Variants in KCNH1 observed in about 807,000 individuals in gnomAD.
KCNH1 encodes potassium voltage-gated channel subfamily H member 1, also known as voltage-gated delayed rectifier potassium channel KCNH1.
KCNH1 carries 27 observed loss-of-function variants against 69.2 expected under a neutral mutation model. The ratio of observed to expected loss-of-function variants is 0.39; its 90% CI spans 0.29 to 0.54. KCNH1 has a LOEUF of 0.54. KCNH1 is among the 20% of genes least tolerant of loss of function. The probability of loss-of-function intolerance (pLI) is 0.68; values close to 1 mark genes in which losing one functional copy is unlikely to be tolerated. For synonymous variants in KCNH1, 456 were observed against 487.7 expected, an observed-to-expected ratio of 0.93 and a Z score of 0.86; for missense variants, 798 against 1,261.6, an observed-to-expected ratio of 0.63 and a Z score of 5.57.
chr1:210,720,724 T>G (rs910364242), intron 10 of KCNH1, among the ~76,000 whole-genome samples: 2 of 152,194 alleles, frequency 1.3e-5, no homozygotes, highest in African/African-American at 2.4e-5. Flanking sequence ...CCTGTTCTCC[T>G]TGGCCAAATC....
At chr1:210,851,870 G>C (rs1342855429) in intron 7 of KCNH1, among the ~76,000 whole-genome samples, 1 of 152,208 alleles carries the variant, frequency 6.6e-6, no homozygotes, top group Non-Finnish European at 1.5e-5. Flanking sequence ...GTTTGTTGTT[G>C]AGTGAAATGT....
chr1:210,818,871 G>T (rs752856614), intron 7 of KCNH1, among the ~76,000 whole-genome samples: 63 of 152,128 alleles, frequency 4.1e-4, no homozygotes, highest in Non-Finnish European at 8.1e-4. Context: ...GTTTTCTCAG[G>T]TTTACCTATA....
At chr1:210,987,683 G>A (rs1329125245) in intron 6 of KCNH1, among the ~76,000 whole-genome samples, 1 of 152,216 alleles carries the variant, frequency 6.6e-6, no homozygotes, top group African/African-American at 2.4e-5. Context: ...TGAGGTGTCA[G>A]TCTGCCCCTA....
At chr1:211,048,083 GCTCAACAT>G (rs1256531808) in intron 5 of KCNH1, among the ~76,000 whole-genome samples, 1 of 152,168 alleles carries the variant, frequency 6.6e-6, no homozygotes, top group African/African-American at 2.4e-5. Flanking sequence ...ATTAAAAAAT[GCTCAACAT>G]CACAAATTAT....
chr1:210,703,994 G>A (rs933062992), intron 10 of KCNH1, among the ~76,000 whole-genome samples: 1 of 152,056 alleles, frequency 6.6e-6, no homozygotes, highest in Non-Finnish European at 1.5e-5. Flanking sequence ...AGTGCTCTAC[G>A]AGAGACAAGA....
chr1:210,833,763 G>A (rs1346471660), intron 7 of KCNH1, among the ~76,000 whole-genome samples: 1 of 152,038 alleles, frequency 6.6e-6, no homozygotes, highest in Non-Finnish European at 1.5e-5. Context: ...CAAAATGGGA[G>A]AAAATTTTCA....
chr1:211,015,365 T>C (rs1689474459), intron 6 of KCNH1, among the ~76,000 whole-genome samples: 1 of 152,226 alleles, frequency 6.6e-6, no homozygotes, highest in Non-Finnish European at 1.5e-5. Context: ...ACTGTGATTA[T>C]ATGATATGTT....
chr1:210,795,946 C>T (rs534953205), intron 9 of KCNH1, among the ~76,000 whole-genome samples: 252 of 147,268 alleles, frequency 1.7e-3, no homozygotes, highest in African/African-American at 5.8e-3. Flanking sequence ...CATGGTGAAA[C>T]CCCATCTCTA....
chr1:210,927,067 T>G (rs569154150), intron 6 of KCNH1, among the ~76,000 whole-genome samples: 1 of 152,340 alleles, frequency 6.6e-6, no homozygotes, highest in South Asian at 2.1e-4. Flanking sequence ...AAATTTGGGT[T>G]TATGTTAAAC....
chr1:211,114,919 T>TA (rs1352883630), intron 1 of KCNH1, among the ~76,000 whole-genome samples: 2 of 152,184 alleles, frequency 1.3e-5, no homozygotes, highest in African/African-American at 2.4e-5. Context: ...GAAGAATTAA[T>TA]AATTCTTTTT....
At chr1:210,732,227 C>A (rs1682764494) in intron 10 of KCNH1, among the ~76,000 whole-genome samples, 1 of 151,674 alleles carries the variant, frequency 6.6e-6, no homozygotes, top group South Asian at 2.1e-4. Flanking sequence ...AACCAGGCAG[C>A]CCAGTGTGGC....
intron 10 of KCNH1, among the ~76,000 whole-genome samples, chr1:210,732,970 T>C (rs910617373): frequency 2.6e-5 from 4 of 152,098 alleles, no homozygotes; most frequent in African/African-American, 9.7e-5. Flanking sequence ...AGGTGATGGG[T>C]CGTTGAGAGC....
At chr1:210,849,777 A>G (rs1175922692) in intron 7 of KCNH1, among the ~76,000 whole-genome samples, 2 of 152,038 alleles carry the variant, frequency 1.3e-5, no homozygotes, top group Non-Finnish European at 2.9e-5. Flanking sequence ...CCCCTTTCCC[A>G]AACTTGCCCA....
intron 7 of KCNH1, among the ~76,000 whole-genome samples, chr1:210,827,058 C>G (rs1685047334): frequency 6.6e-6 from 1 of 152,188 alleles, no homozygotes; most frequent in Admixed American, 6.5e-5. Flanking sequence ...CGGCTTGTGG[C>G]CAAGCGCAGT....
At chr1:211,034,782 G>A (rs1407057304) in intron 5 of KCNH1, among the ~76,000 whole-genome samples, 1 of 152,202 alleles carries the variant, frequency 6.6e-6, no homozygotes, top group Non-Finnish European at 1.5e-5. Context: ...GTGTTTTCAA[G>A]ATACAGTCTG....
intron 5 of KCNH1, among the ~76,000 whole-genome samples, chr1:211,046,429 G>T (rs531725346): frequency 6.6e-6 from 1 of 152,130 alleles, no homozygotes; most frequent in African/African-American, 2.4e-5. Flanking sequence ...CCCCAGGAGC[G>T]AGGGTGTTAT....
At chr1:210,960,171 T>TATGC (rs1462611145) in intron 6 of KCNH1, among the ~76,000 whole-genome samples, 1 of 152,222 alleles carries the variant, frequency 6.6e-6, no homozygotes, top group African/African-American at 2.4e-5. Context: ...ATGAATCCAC[T>TATGC]ATGCAGCCTG....
At chr1:210,754,214 C>T (rs1185516267) in intron 10 of KCNH1, among the ~76,000 whole-genome samples, 2 of 152,074 alleles carry the variant, frequency 1.3e-5, no homozygotes, top group African/African-American at 4.8e-5. Flanking sequence ...CCACCGCATC[C>T]GGCCCAGACT....
At chr1:210,874,719 A>G (rs747456924) in intron 7 of KCNH1, among the ~76,000 whole-genome samples, 6 of 152,216 alleles carry the variant, frequency 3.9e-5, no homozygotes, top group Non-Finnish European at 8.8e-5. Context: ...TACATATAGC[A>G]GCATACATAC....
Sources: gnomAD v4.1 joint callset for allele counts (sites outside exome capture counted in the v4.1 genomes callset) on GRCh38, gnomAD v4.1.1 for gene constraint, MANE v1.5 for transcripts, NCBI Gene and HGNC (gene_info 2026-07-23, HGNC 2026-07-21) for gene names.